GRID1: variants seen among roughly 807,000 people sequenced by gnomAD.
GRID1 encodes the protein glutamate ionotropic receptor delta type subunit 1.
A neutral mutation model predicts 98.0 loss-of-function variants in GRID1; 28 were observed. The observed-to-expected ratio is 0.29, with a 90% CI of 0.21 to 0.39. GRID1 has a LOEUF of 0.39. Among genes scored for constraint, GRID1 ranks in the 10% least tolerant of loss-of-function variants. GRID1 has a pLI of 1.00. For synonymous variants in GRID1, 553 were observed against 538.5 expected, an observed-to-expected ratio of 1.03 and a Z score of -0.37; for missense variants, 1,111 against 1,340.5, an observed-to-expected ratio of 0.83 and a Z score of 2.67.
At chr10:85,982,823 T>C (rs1209049775) in intron 4 of GRID1, among the ~76,000 whole-genome samples, 2 of 152,166 alleles carry the variant, frequency 1.3e-5, no homozygotes, top group Admixed American at 6.5e-5. Context: ...TAAGTGGCTA[T>C]TGTCACTGAA....
intron 3 of GRID1, among the ~76,000 whole-genome samples, chr10:86,190,973 T>A (rs749089124): frequency 1.6e-4 from 25 of 152,186 alleles, no homozygotes; most frequent in Non-Finnish European, 3.1e-4. Flanking sequence ...TGTGCCTGTG[T>A]GAACACACAT....
At chr10:86,101,507 A>G (rs1366274255) in intron 4 of GRID1, among the ~76,000 whole-genome samples, 2 of 152,158 alleles carry the variant, frequency 1.3e-5, no homozygotes, top group Non-Finnish European at 2.9e-5. Flanking sequence ...GGAACATCAC[A>G]TAATTGAAAT....
At chr10:86,317,188 A>G (rs972554614) in intron 2 of GRID1, among the ~76,000 whole-genome samples, 9 of 151,994 alleles carry the variant, frequency 5.9e-5, no homozygotes, top group African/African-American at 2.2e-4. Flanking sequence ...GGCTCATCCC[A>G]AGTCTGCATA....
intron 2 of GRID1, among the ~76,000 whole-genome samples, chr10:86,270,234 G>A (rs2607857): frequency 0.041 from 6,283 of 152,184 alleles, 242 homozygotes; most frequent in Admixed American, 0.11. Context: ...GTTCCATTCA[G>A]TACCCACTGC....
intron 4 of GRID1, among the ~76,000 whole-genome samples, chr10:86,117,745 T>C (rs951418561): frequency 6.6e-6 from 1 of 152,228 alleles, no homozygotes. Context: ...GAAATGCAAA[T>C]CAAAAGCACA....
chr10:85,723,125 C>G lies in GRID1; in HGVS notation c.1875G>C (p.Val625=), dbSNP rs144860942. The G allele has an allele frequency of 1.2e-6, 2 of 1,607,980 alleles. No homozygotes were observed. Among genetic ancestry groups the G allele is most frequent in the Non-Finnish European group, 1.7e-6 (2 of 1,176,936 alleles). ...TCACGATGCGCATGGCCATGGAGTTCACGGAAGATTCGCCACCTGCGGGAG... is the reference window on the plus strand; with the variant it reads ...TCACGATGCGCATGGCCATGGAGTTGACGGAAGATTCGCCACCTGCGGGAG... ...AFVQQGGESS[V]NSMAMRIVMG... The change falls in exon 12 of 16, where the codon GTG becomes GTC. Residue 625 remains valine (V), a synonymous_variant. Coordinates refer to ENST00000327946, the MANE Select transcript of GRID1 (RefSeq NM_017551.3).
rs148270462 is a variant in GRID1, at chr10:86,250,456, C to A, written c.236-43808G>T. ...GTATTCATCAGCCAAGAGAAATGGTCTCAGTAAGCAGCAGGCAGCTTGTGT... is the reference window on the plus strand; with the variant it reads ...GTATTCATCAGCCAAGAGAAATGGTATCAGTAAGCAGCAGGCAGCTTGTGT... On this transcript the variant is annotated intron_variant, in intron 2 of 15. Coordinates refer to ENST00000327946, the MANE Select transcript of GRID1 (RefSeq NM_017551.3). Among the ~76,000 whole-genome samples, 407 of 152,380 alleles carry A rather than the reference C, an allele frequency of 2.7e-3. 2 individuals are homozygous for A. The highest frequency in any genetic ancestry group is 8.2e-3 in the African/African-American group (339 of 41,592).
At chr10:86,118,639 G>A (rs1190988667) in intron 4 of GRID1, among the ~76,000 whole-genome samples, 1 of 152,120 alleles carries the variant, frequency 6.6e-6, no homozygotes, top group African/African-American at 2.4e-5. Flanking sequence ...TTCCAAAGAG[G>A]GCAGCATGGG....
intron 2 of GRID1, among the ~76,000 whole-genome samples, chr10:86,349,318 T>A (rs1848432036): frequency 1.3e-5 from 2 of 152,114 alleles, no homozygotes; most frequent in Admixed American, 1.3e-4. Context: ...AAACCCAAGT[T>A]CTGGTGCACA....
intron 3 of GRID1, among the ~76,000 whole-genome samples, chr10:86,147,253 T>TCA (rs1845102248): frequency 6.6e-6 from 1 of 152,138 alleles, no homozygotes; most frequent in Admixed American, 6.5e-5. Flanking sequence ...ATCCCATCCC[T>TCA]CACCACAAAA....
intron 8 of GRID1, among the ~76,000 whole-genome samples, chr10:85,798,106 T>A (rs1842542507): frequency 1.3e-5 from 2 of 152,210 alleles, no homozygotes; most frequent in Admixed American, 1.3e-4. Flanking sequence ...CAATGATCTA[T>A]TTTCCTTTGC....
At chr10:85,841,902 T>G (rs1842964593) in intron 8 of GRID1, among the ~76,000 whole-genome samples, 1 of 152,120 alleles carries the variant, frequency 6.6e-6, no homozygotes, top group Non-Finnish European at 1.5e-5. Flanking sequence ...TCAACCATTG[T>G]GGAAGACAGT....
intron 4 of GRID1, among the ~76,000 whole-genome samples, chr10:86,020,947 T>C (rs928825388): frequency 3.9e-5 from 6 of 152,144 alleles, no homozygotes; most frequent in African/African-American, 1.4e-4. Flanking sequence ...CACACAGAGA[T>C]GAGAAAACAG....
chr10:86,206,678 G>T lies in GRID1; in HGVS notation c.236-30C>A. On this transcript the variant is annotated intron_variant, in intron 2 of 15. Coordinates refer to ENST00000327946, the MANE Select transcript of GRID1 (RefSeq NM_017551.3). This position sits in a 1 kb window ranked among gnomAD's most constrained non-coding sequence, Gnocchi z 4.1. Reference sequence around the variant, plus strand: ...AAAGAGAGAAGAGAGAGAGGAAGGGGTCAGCATCAGGGCGATGCTGCACCA... The same window carrying T: ...AAAGAGAGAAGAGAGAGAGGAAGGGTTCAGCATCAGGGCGATGCTGCACCA... The T allele has an allele frequency of 6.3e-7, 1 of 1,590,532 alleles. No homozygotes were observed. Among genetic ancestry groups the T allele is most frequent in the East Asian group, 2.2e-5 (1 of 44,498 alleles).
chr10:86,241,412 C>G (rs2814334), intron 2 of GRID1, among the ~76,000 whole-genome samples: 130,341 of 151,476 alleles, frequency 0.86, 56,485 homozygotes, highest in Non-Finnish European at 0.88. Flanking sequence ...TACAGGGGGG[C>G]CCCCTACAGC....
chr10:85,856,216 C>T, intron 6 of GRID1, 26 bp from the exon 7 acceptor site: 2 of 1,609,682 alleles, frequency 1.2e-6, no homozygotes, highest in Non-Finnish European at 1.7e-6. Context: ...CAGTGAAACC[C>T]TTTCCACAGG....
At chr10:85,796,878 A>C (rs1362860507) in intron 8 of GRID1, among the ~76,000 whole-genome samples, 1 of 152,228 alleles carries the variant, frequency 6.6e-6, no homozygotes. Context: ...CGTCATAAAA[A>C]TATTTTCAGA....
At chr10:85,653,415 G>A (rs924765494) in intron 12 of GRID1, among the ~76,000 whole-genome samples, 5 of 152,180 alleles carry the variant, frequency 3.3e-5, no homozygotes, top group Non-Finnish European at 5.9e-5. Context: ...GAATGAACTC[G>A]CAGAGGATGG....
At chr10:85,730,359 C>T (rs1399895359) in intron 8 of GRID1, among the ~76,000 whole-genome samples, 1 of 152,202 alleles carries the variant, frequency 6.6e-6, no homozygotes, top group Non-Finnish European at 1.5e-5. Flanking sequence ...TGCATCCTTG[C>T]AGGGTCTATA....
Sources: gnomAD v4.1 joint callset for allele counts (sites outside exome capture counted in the v4.1 genomes callset) on GRCh38, gnomAD v4.1.1 for gene constraint, Gnocchi (gnomAD v3.1) non-coding constraint, MANE v1.5 for transcripts, NCBI Gene and HGNC (gene_info 2026-07-23, HGNC 2026-07-21) for gene names.